Variants in RPA3 observed in about 807,000 individuals in gnomAD.
The protein encoded by RPA3 is replication protein A 14 kDa subunit.
A neutral mutation model predicts 13.7 loss-of-function variants in RPA3; 24 were observed. The observed-to-expected ratio is 1.75, with a 90% CI of 1.27 to 2.46. RPA3 has a LOEUF of 2.46. Ranked by LOEUF, RPA3 falls within the 30% of genes most tolerant of loss-of-function variation. The pLI, the probability that RPA3 is intolerant of heterozygous loss-of-function variation, is 0.00. For synonymous variants in RPA3, 59 were observed against 51.2 expected (o/e 1.15, Z -0.65); for missense variants, 183 against 151.0 (o/e 1.21, Z -1.11).
At chr7:7,678,071 ATATGCTGATTTCTTCTTTTGGG>A (rs1315679045) in intron 4 of RPA3, among the ~76,000 whole-genome samples, 1 of 152,050 alleles carries the variant, frequency 6.6e-6, no homozygotes, top group Non-Finnish European at 1.5e-5. Context: ...CGTCTCTTTG[ATATGCTGATTTCTTCTTTTGGG>A]TATGTACCCA....
chr7:7,714,954 A>G (rs572271653), intron 2 of RPA3, among the ~76,000 whole-genome samples: 8 of 152,124 alleles, frequency 5.3e-5, no homozygotes, highest in South Asian at 4.2e-4. Context: ...AACAACAACA[A>G]CAACAACAAC....
chr7:7,694,579 A>C (rs1334586240), intron 2 of RPA3, among the ~76,000 whole-genome samples: 1 of 148,026 alleles, frequency 6.8e-6, no homozygotes, highest in East Asian at 2.0e-4. Flanking sequence ...TCTACTCTCT[A>C]TCTCTCTGAG....
At chr7:7,690,368 C>T (rs1346873466) in intron 2 of RPA3, among the ~76,000 whole-genome samples, 1 of 151,938 alleles carries the variant, frequency 6.6e-6, no homozygotes, top group African/African-American at 2.4e-5. Flanking sequence ...TACAAAATCA[C>T]TTTATAAAGT....
intron 2 of RPA3, among the ~76,000 whole-genome samples, chr7:7,713,472 C>T (rs1780816816): frequency 6.6e-6 from 1 of 151,782 alleles, no homozygotes; most frequent in East Asian, 1.9e-4. Flanking sequence ...CTGCTCCTCC[C>T]CCCCATGGCA....
Position 7,636,956 on chromosome 7 carries a change from A to G in RPA3, c.*44T>C, listed in dbSNP as rs1352495928. ...AAACAAGAAGGGCTTCCTTTAATAGACTTTAATATAGCTCATTTACAATCG... is the reference window on the plus strand; with the variant it reads ...AAACAAGAAGGGCTTCCTTTAATAGGCTTTAATATAGCTCATTTACAATCG... On this transcript the variant is annotated 3_prime_UTR_variant, in exon 8 of 8. Transcript: ENST00000223129. 1 of 1,366,206 alleles carries G rather than the reference A, an allele frequency of 7.3e-7. No individual in the cohort carries two copies. The highest frequency in any genetic ancestry group is 1.7e-5 in the Admixed American group (1 of 57,260). 84.6% of individuals were successfully genotyped at this position (1,366,206 alleles called of 1,614,324 possible). A position where few individuals can be genotyped will look rare whatever the true frequency, so the allele number is the denominator to read the frequency against.
chr7:7,698,310 T>A (rs955408804), intron 2 of RPA3, among the ~76,000 whole-genome samples: 5 of 152,122 alleles, frequency 3.3e-5, no homozygotes, highest in South Asian at 2.1e-4. Context: ...CTAGAGAAAA[T>A]TTTTTTAGTG....
chr7:7,675,366 A>C (rs186989878), intron 4 of RPA3, among the ~76,000 whole-genome samples: 15 of 152,106 alleles, frequency 9.9e-5, no homozygotes, highest in Admixed American at 9.8e-4. Context: ...TTTAACCACC[A>C]CTGCAGTGGC....
chr7:7,669,084 G>GT (rs11340786), intron 4 of RPA3, among the ~76,000 whole-genome samples: 1,591 of 148,890 alleles, frequency 0.011, 17 homozygotes, highest in African/African-American at 0.036. Flanking sequence ...TGGGAATCAA[G>GT]TTTTTTTTTT....
At position 7,699,034 on chromosome 7, in the gene RPA3, TTG is replaced by T. The variant is rs756479031; in HGVS notation, c.-1027-11708_-1027-11707del. Among the ~76,000 whole-genome samples the T allele has an allele frequency of 3.7e-3, 474 of 127,182 alleles. 1 individual carries two copies. The highest frequency in any genetic ancestry group is 4.7e-3 in the Non-Finnish European group (275 of 58,492). The allele number at this position is 127,182 out of a possible 152,430, so 83.4% of individuals were successfully genotyped here. On this transcript the variant is annotated intron_variant, in intron 2 of 7. Transcript: ENST00000223129. ...CATGCCCAGTTAATTTTTATATAGT[TTG>T]TGTGTGTGTGTGTGGGGGGGGGGTA...
intron 2 of RPA3, among the ~76,000 whole-genome samples, chr7:7,714,008 T>G (rs551164353): frequency 1.3e-5 from 2 of 152,182 alleles, no homozygotes; most frequent in African/African-American, 2.4e-5. Flanking sequence ...CCCACACGTT[T>G]TTCATCGTCA....
chr7:7,645,452 A>G (rs2115544943), intron 4 of RPA3, among the ~76,000 whole-genome samples: 1 of 152,252 alleles, frequency 6.6e-6, no homozygotes, highest in African/African-American at 2.4e-5. Flanking sequence ...CTAGTTCCAT[A>G]TTTATGGTTA....
intron 4 of RPA3, among the ~76,000 whole-genome samples, chr7:7,667,378 C>A (rs570042160): frequency 1.9e-4 from 29 of 152,290 alleles, no homozygotes; most frequent in African/African-American, 7.0e-4. Context: ...CTGTCAAGGC[C>A]ATGCATATCA....
chr7:7,710,389 A>G (rs531923733), intron 2 of RPA3, among the ~76,000 whole-genome samples: 9 of 152,332 alleles, frequency 5.9e-5, no homozygotes, highest in African/African-American at 2.2e-4. Context: ...ACATAAAACC[A>G]AATTAGAAAA....
intron 4 of RPA3, among the ~76,000 whole-genome samples, chr7:7,656,187 A>G (rs1028000863): frequency 2.0e-5 from 3 of 152,116 alleles, no homozygotes; most frequent in African/African-American, 7.2e-5. Context: ...ATTCTTCTGT[A>G]TACACCATTG....
chr7:7,676,719 A>G (rs7786498), intron 4 of RPA3, among the ~76,000 whole-genome samples: 2,821 of 152,240 alleles, frequency 0.019, 90 homozygotes, highest in African/African-American at 0.065. Flanking sequence ...ATTTTAAAAT[A>G]TTTCAGAAAA....
At position 7,640,783 on chromosome 7, in the gene RPA3, C is replaced by G; in HGVS notation, c.-365G>C. The G allele has an allele frequency of 4.6e-6, 1 of 219,454 alleles. No individual in the cohort carries two copies. Among genetic ancestry groups the G allele is most frequent in the Non-Finnish European group, 9.3e-6 (1 of 107,782 alleles). 13.6% of individuals were successfully genotyped at this position (219,454 alleles called of 1,614,324 possible). A position where few individuals can be genotyped will look rare whatever the true frequency, so the allele number is the denominator to read the frequency against. On this transcript the variant is annotated 5_prime_UTR_variant, in exon 5 of 8. Transcript: ENST00000223129. ...ACCCCGGAAGTGGGGTGTGAAGCTC[C>G]GGTGCTGGTGCGGCGGGGGACTGCG...
chr7:7,650,945 G>A (rs1223841567), intron 4 of RPA3, among the ~76,000 whole-genome samples: 2 of 152,120 alleles, frequency 1.3e-5, no homozygotes, highest in Admixed American at 1.3e-4. Context: ...AGTCAGATTT[G>A]TTGTACTCAG....
chr7:7,685,036 G>A (rs1214200482), intron 4 of RPA3, among the ~76,000 whole-genome samples: 1 of 152,116 alleles, frequency 6.6e-6, no homozygotes, highest in Non-Finnish European at 1.5e-5. Context: ...ATTATGATGA[G>A]TGGCTTTCAT....
At chr7:7,675,354 A>C (rs1218887753) in intron 4 of RPA3, among the ~76,000 whole-genome samples, 2 of 152,068 alleles carry the variant, frequency 1.3e-5, no homozygotes, top group Admixed American at 6.6e-5. Context: ...TCTGAGACAA[A>C]TTTTAACCAC....
Sources: gnomAD v4.1 joint callset for allele counts (sites outside exome capture counted in the v4.1 genomes callset) on GRCh38, gnomAD v4.1.1 for gene constraint, MANE v1.5 for transcripts, NCBI Gene and HGNC (gene_info 2026-07-23, HGNC 2026-07-21) for gene names.